Variants in PLA2G7 observed in about 807,000 individuals in gnomAD.
PLA2G7 encodes the protein platelet-activating factor acetylhydrolase.
Under a neutral mutation model 49.6 loss-of-function variants are expected in PLA2G7, and 63 were observed. That is an observed-to-expected ratio of 1.27 (90% CI 1.04 to 1.57). PLA2G7 has a LOEUF of 1.57. Ranked by LOEUF, PLA2G7 falls within the 40% of genes most tolerant of loss-of-function variation. PLA2G7 has a pLI of 0.00. For missense variants in PLA2G7, 596 were observed against 521.2 expected (o/e 1.14, Z -1.40); for synonymous variants, 193 against 169.9 (o/e 1.14, Z -1.06).
Position 46,709,609 on chromosome 6 carries a change from A to G in PLA2G7, c.778-191T>C, listed in dbSNP as rs574762654. Reference sequence around the variant, plus strand: ...ATATACATCTATATACACATATAAAACACATTTACACATATATATAACATA... The same window carrying G: ...ATATACATCTATATACACATATAAAGCACATTTACACATATATATAACATA... On this transcript the variant is annotated intron_variant, in intron 8 of 11. Coordinates refer to ENST00000274793, the MANE Select transcript of PLA2G7 (RefSeq NM_005084.4). Among the ~76,000 whole-genome samples, 71 of 152,322 alleles carry G rather than the reference A, an allele frequency of 4.7e-4. 2 individuals are homozygous for G. In the South Asian group the frequency reaches 0.014, roughly 30 times the overall value.
At chr6:46,717,154 T>C (rs1271106170) in intron 2 of PLA2G7, 58 bp from the exon 3 acceptor site, 31 of 1,476,290 alleles carry the variant, frequency 2.1e-5, no homozygotes, top group South Asian at 1.6e-4. Context: ...GATTTTATTA[T>C]GCAAAAGAAT....
At chr6:46,729,294 G>A (rs1462771923) in intron 1 of PLA2G7, among the ~76,000 whole-genome samples, 2 of 151,914 alleles carry the variant, frequency 1.3e-5, no homozygotes, top group East Asian at 3.9e-4. Flanking sequence ...ATGATAATGG[G>A]GACCATAGAG....
chr6:46,726,389 C>A (rs894109181), intron 1 of PLA2G7, among the ~76,000 whole-genome samples: 1 of 152,144 alleles, frequency 6.6e-6, no homozygotes, highest in Non-Finnish European at 1.5e-5. Context: ...AGGAATAATT[C>A]ATAAGAAGTC....
chr6:46,712,272 T>A lies in PLA2G7; in HGVS notation c.536A>T (p.His179Leu). Residue 179 changes from histidine to leucine, a missense_variant, in exon 6 of 12, where the codon CAC (histidine) becomes CTC (leucine). Physicochemically the swap from His to Leu is moderately conservative, Grantham distance 99. Transcript: ENST00000274793. The part of the protein sequence containing the change: ...SHGFIVAAVE[H>L]RDRSASATYY... ...CCAATTATATCAGGTAACATACCTG[T>A]GTTCTACAGCAGCAACTATAAACCC... 1 of 1,606,220 alleles carries A rather than the reference T, an allele frequency of 6.2e-7. No homozygotes were observed. Among genetic ancestry groups the A allele is most frequent in the Middle Eastern group, 1.7e-4 (1 of 6,038 alleles).
chr6:46,710,200 C>T (rs1191766498), intron 8 of PLA2G7, among the ~76,000 whole-genome samples: 2 of 152,140 alleles, frequency 1.3e-5, no homozygotes, highest in East Asian at 3.8e-4. Flanking sequence ...TTTCCACCCG[C>T]TCCCAAACTT....
In PLA2G7 at chr6:46,705,281, A is replaced by C; in HGVS notation, c.1061T>G (p.Phe354Cys). Residue 354 changes from phenylalanine to cysteine, a missense_variant, in exon 11 of 12, where the codon TTT (phenylalanine) becomes TGT (cysteine). Transcript: ENST00000274793. Reference sequence around the variant, plus strand: ...GCCAGTTGCAAAAGTGAAGTCAGCAAAATTCTGGTGGACTGAACCCCTAAA... The same window carrying C: ...GCCAGTTGCAAAAGTGAAGTCAGCACAATTCTGGTGGACTGAACCCCTAAA... ...ITIRGSVHQN[F>C]ADFTFATGKI... The C allele has an allele frequency of 6.2e-7, 1 of 1,612,568 alleles. No homozygotes were observed. Among genetic ancestry groups the C allele is most frequent in the South Asian group, 1.1e-5 (1 of 91,054 alleles).
At chr6:46,726,872 C>A (rs1026598229) in intron 1 of PLA2G7, among the ~76,000 whole-genome samples, 1 of 152,006 alleles carries the variant, frequency 6.6e-6, no homozygotes, top group Admixed American at 6.6e-5. Flanking sequence ...GAACTCCTGA[C>A]CTCATGTGAT....
At chr6:46,734,354 A>T (rs1765826128) in intron 1 of PLA2G7, among the ~76,000 whole-genome samples, 1 of 150,326 alleles carries the variant, frequency 6.7e-6, no homozygotes. Flanking sequence ...TGTGAGAGAG[A>T]GAGCGGAGGG....
At chr6:46,733,229 T>A (rs1159031353) in intron 1 of PLA2G7, among the ~76,000 whole-genome samples, 1 of 152,152 alleles carries the variant, frequency 6.6e-6, no homozygotes, top group Non-Finnish European at 1.5e-5. Flanking sequence ...AGGGAATGTG[T>A]TTAGGCCCAT....
At chr6:46,727,704 G>C (rs1198339985) in intron 1 of PLA2G7, among the ~76,000 whole-genome samples, 1 of 152,220 alleles carries the variant, frequency 6.6e-6, no homozygotes, top group Non-Finnish European at 1.5e-5. Context: ...AAAAGTATAA[G>C]AGGATGGCAG....
intron 1 of PLA2G7, among the ~76,000 whole-genome samples, chr6:46,729,181 C>G (rs920573489): frequency 2.6e-5 from 4 of 152,172 alleles, no homozygotes; most frequent in African/African-American, 4.8e-5. Flanking sequence ...CACAGATGCT[C>G]TCCCGCTAAA....
intron 10 of PLA2G7, among the ~76,000 whole-genome samples, chr6:46,706,036 G>A (rs1764814152): frequency 1.3e-5 from 2 of 152,194 alleles, no homozygotes; most frequent in South Asian, 4.1e-4. Flanking sequence ...GATTCTACTG[G>A]CAGACCAACT....
intron 10 of PLA2G7, among the ~76,000 whole-genome samples, chr6:46,705,614 G>A (rs1040729083): frequency 4.6e-5 from 7 of 152,226 alleles, no homozygotes; most frequent in Non-Finnish European, 1.0e-4. Flanking sequence ...ATACTGGAAT[G>A]TGTTCTGTAT....
chr6:46,709,301 C>T (rs771004288), intron 9 of PLA2G7, 26 bp downstream of exon 9: 23 of 1,246,400 alleles, frequency 1.8e-5, no homozygotes, highest in Non-Finnish European at 3.5e-6. Flanking sequence ...TTACTATTCT[C>T]TTGCTTTACT....
chr6:46,704,517 T>C lies in PLA2G7; in HGVS notation c.*43A>G, dbSNP rs2150688628. On this transcript the variant is annotated 3_prime_UTR_variant, in exon 12 of 12. Transcript: ENST00000274793. ...ACACACACACACACACACATAATTT[T>C]AGACAGTTTTGAAACAAGACTTTTA... The C allele has an allele frequency of 1.8e-6, 2 of 1,128,700 alleles. No homozygotes were observed. Among genetic ancestry groups the C allele is most frequent in the South Asian group, 1.2e-5 (1 of 81,176 alleles). 69.9% of individuals were successfully genotyped at this position (1,128,700 alleles called of 1,614,324 possible).
chr6:46,727,676 G>A (rs1025015399), intron 1 of PLA2G7, among the ~76,000 whole-genome samples: 1 of 152,216 alleles, frequency 6.6e-6, no homozygotes, highest in Non-Finnish European at 1.5e-5. Context: ...CTGACCCAAT[G>A]TAATCACAAG....
In PLA2G7 at chr6:46,704,394, A is replaced by C; in HGVS notation, c.*166T>G. On this transcript the variant is annotated 3_prime_UTR_variant, in exon 12 of 12. Transcript: ENST00000274793. ...TCCAAGCTTCAATCACGATTACAGT[A>C]TAGCCTACATTTTAAAATATGAGTC... 3 of 622,820 alleles carry C rather than the reference A, an allele frequency of 4.8e-6. No homozygotes were observed. The highest frequency in any genetic ancestry group is 8.7e-6 in the Non-Finnish European group (3 of 345,906). 38.6% of individuals were successfully genotyped at this position (622,820 alleles called of 1,614,324 possible). A position where few individuals can be genotyped will look rare whatever the true frequency, so the allele number is the denominator to read the frequency against.
intron 6 of PLA2G7, 147 bp from the exon 7 acceptor site, chr6:46,711,766 A>G: frequency 2.4e-6 from 2 of 835,764 alleles, no homozygotes; most frequent in South Asian, 3.1e-5. Flanking sequence ...TAAATTAAAG[A>G]AGACTGTAAA....
intron 2 of PLA2G7, among the ~76,000 whole-genome samples, chr6:46,719,473 G>C (rs372815011): frequency 6.6e-6 from 1 of 152,160 alleles, no homozygotes; most frequent in South Asian, 2.1e-4. Flanking sequence ...AAGTTTAAGA[G>C]ACACTGGGCT....
Sources: allele counts gnomAD v4.1 joint callset (sites outside exome capture counted in the v4.1 genomes callset), GRCh38; gene constraint gnomAD v4.1.1; transcripts MANE v1.5; gene names NCBI Gene and HGNC (gene_info 2026-07-23, HGNC 2026-07-21).